Variants in PARD3B observed in about 807,000 individuals in gnomAD.
PARD3B encodes the protein partitioning defective 3 homolog B.
A neutral mutation model predicts 130.2 loss-of-function variants in PARD3B; 103 were observed. That is an observed-to-expected ratio of 0.79 (90% CI 0.67 to 0.93). The LOEUF is 0.93. PARD3B is among the 40% of genes least tolerant of loss of function. The pLI is 0.00. For missense variants in PARD3B, 1,609 were observed against 1,499.2 expected, an observed-to-expected ratio of 1.07 and a Z score of -1.21; for synonymous variants, 583 against 553.2, an observed-to-expected ratio of 1.05 and a Z score of -0.76.
intron 7 of PARD3B, among the ~76,000 whole-genome samples, chr2:205,120,413 A>G (rs994007548): frequency 1.3e-5 from 2 of 152,166 alleles, no homozygotes; most frequent in Non-Finnish European, 2.9e-5. Context: ...TCCCCTAACA[A>G]TTTGCAGAAT....
chr2:204,736,435 C>T (rs2039756824), intron 2 of PARD3B, among the ~76,000 whole-genome samples: 1 of 152,010 alleles, frequency 6.6e-6, no homozygotes, highest in South Asian at 2.1e-4. Flanking sequence ...CTTTCATCCT[C>T]CTCCTCCTGA....
At chr2:205,095,365 G>A (rs962866912) in intron 4 of PARD3B, among the ~76,000 whole-genome samples, 1 of 152,056 alleles carries the variant, frequency 6.6e-6, no homozygotes, top group African/African-American at 2.4e-5. Context: ...TTTGAAATGT[G>A]TTATTTGAAT....
intron 3 of PARD3B, among the ~76,000 whole-genome samples, chr2:205,027,149 A>G (rs150006251): frequency 9.8e-5 from 15 of 152,312 alleles, no homozygotes; most frequent in Admixed American, 5.2e-4. Context: ...ACTGTTCTCT[A>G]TAATGACTGC....
At chr2:205,356,442 C>G (rs1453349900) in intron 18 of PARD3B, among the ~76,000 whole-genome samples, 1 of 152,110 alleles carries the variant, frequency 6.6e-6, no homozygotes, top group Non-Finnish European at 1.5e-5. Flanking sequence ...ATCTCAAACT[C>G]TTGAGCTCAG....
At chr2:204,619,928 AG>A (rs1197295942) in intron 1 of PARD3B, among the ~76,000 whole-genome samples, 1 of 152,166 alleles carries the variant, frequency 6.6e-6, no homozygotes, top group Non-Finnish European at 1.5e-5. Flanking sequence ...GTAGGCACTC[AG>A]GCTGACAAAG....
intron 13 of PARD3B, among the ~76,000 whole-genome samples, chr2:205,184,470 C>A (rs553001115): frequency 1.4e-4 from 21 of 152,196 alleles, no homozygotes; most frequent in African/African-American, 4.6e-4. Flanking sequence ...TGGCCCGGCG[C>A]GGTGGCTCAC....
rs528495628 is a variant in PARD3B, at chr2:205,366,782, T to G, written c.2631-34231T>G. Among the ~76,000 whole-genome samples the G allele has an allele frequency of 6.6e-5, 10 of 152,352 alleles. No homozygotes were observed. The highest frequency in any genetic ancestry group is 2.4e-4 in the African/African-American group (10 of 41,584). ...ACCTTTGAAGTTGTATCTCTGCACCTGGGGGCATTTTAGGTGGCCTCCAGG... is the reference window on the plus strand; with the variant it reads ...ACCTTTGAAGTTGTATCTCTGCACCGGGGGGCATTTTAGGTGGCCTCCAGG... On this transcript the variant is annotated intron_variant, in intron 18 of 22. Coordinates refer to ENST00000406610, the MANE Select transcript of PARD3B (RefSeq NM_001302769.2). This position sits in a 1 kb window ranked among gnomAD's most constrained non-coding sequence, Gnocchi z 5.0.
rs1405916935 is a variant in PARD3B at position 205,617,784 on chromosome 2, A to G, written c.*1971A>G. On this transcript the variant is annotated 3_prime_UTR_variant, in exon 23 of 23. Transcript: ENST00000406610. ...GAATGCTACCTTCCCCTCGAGTTGA[A>G]TACACCTTAAGGAAAATGATAACAC... The G allele has an allele frequency of 6.6e-6, 1 of 152,162 alleles. No individual in the cohort carries two copies. Among genetic ancestry groups the G allele is most frequent in the Admixed American group, 6.5e-5 (1 of 15,276 alleles). The allele number at this position is 152,162 out of a possible 1,614,324, so 9.4% of individuals were successfully genotyped here.
At chr2:205,009,919 G>A (rs1379872293) in intron 3 of PARD3B, among the ~76,000 whole-genome samples, 4 of 152,088 alleles carry the variant, frequency 2.6e-5, no homozygotes, top group Non-Finnish European at 4.4e-5. Flanking sequence ...ATTTAGCCAG[G>A]CATTGTGCTA....
At chr2:205,533,485 CT>C (rs1311925895) in intron 21 of PARD3B, among the ~76,000 whole-genome samples, 1 of 152,126 alleles carries the variant, frequency 6.6e-6, no homozygotes, top group East Asian at 1.9e-4. Flanking sequence ...TTTCTTACCC[CT>C]ATACCTTTAT....
chr2:204,967,078 C>T lies in PARD3B; in HGVS notation c.394+1755C>T, dbSNP rs999661306. ...CTCTGACATGCAATTCCTAAAACAA[C>T]CAACTAATATAACTGTCTTGGGGTT... On this transcript the variant is annotated intron_variant, in intron 3 of 22. Coordinates refer to ENST00000406610, the MANE Select transcript of PARD3B (RefSeq NM_001302769.2). The surrounding 1 kb of genome is among the most constrained non-coding windows in gnomAD (Gnocchi z 4.4). Among the ~76,000 whole-genome samples, 2 of 152,164 alleles carry T rather than the reference C, an allele frequency of 1.3e-5. No individual in the cohort carries two copies. Among genetic ancestry groups the T allele is most frequent in the African/African-American group, 4.8e-5 (2 of 41,428 alleles).
chr2:204,757,975 G>C (rs1208934928), intron 2 of PARD3B, among the ~76,000 whole-genome samples: 1 of 152,142 alleles, frequency 6.6e-6, no homozygotes, highest in Non-Finnish European at 1.5e-5. Context: ...TATCTGTGAG[G>C]TAACAAACCA....
intron 3 of PARD3B, among the ~76,000 whole-genome samples, chr2:204,975,129 CAG>C (rs1692033119): frequency 6.6e-6 from 1 of 152,166 alleles, no homozygotes; most frequent in Non-Finnish European, 1.5e-5. Flanking sequence ...CAGATGCTCA[CAG>C]ACTCTTCATG....
chr2:205,047,501 T>G, intron 3 of PARD3B, 80 bp from the exon 4 acceptor site: 1 of 784,572 alleles, frequency 1.3e-6, no homozygotes, highest in South Asian at 1.9e-5. Flanking sequence ...TGTAAACCTT[T>G]TAAATTAAAG....
Position 204,890,122 on chromosome 2 carries a change from C to T in PARD3B, c.223-75030C>T, listed in dbSNP as rs1575224956. 1.3e-5 allele frequency among the ~76,000 whole-genome samples: 2 copies of T among 152,168 alleles called. No homozygotes were observed. The highest frequency in any genetic ancestry group is 2.1e-4 in the South Asian group (1 of 4,830). On this transcript the variant is annotated intron_variant, in intron 2 of 22. Coordinates refer to ENST00000406610, the MANE Select transcript of PARD3B (RefSeq NM_001302769.2). This position sits in a 1 kb window ranked among gnomAD's most constrained non-coding sequence, Gnocchi z 4.9. ...TTTACCATGTCTGCTTTGCCTTCTC[C>T]GCCTTCTCCGCATGCCAGCAGGAGC...
chr2:204,738,556 T>A (rs912651503), intron 2 of PARD3B, among the ~76,000 whole-genome samples: 1 of 152,134 alleles, frequency 6.6e-6, no homozygotes, highest in African/African-American at 2.4e-5. Context: ...AGGCCAGAAA[T>A]CTGGACAGAC....
chr2:205,357,461 TG>T (rs1434676499), intron 18 of PARD3B, among the ~76,000 whole-genome samples: 1 of 152,162 alleles, frequency 6.6e-6, no homozygotes, highest in Non-Finnish European at 1.5e-5. Context: ...ACAGTCGACA[TG>T]GGTGCAGAAG....
chr2:205,440,721 A>G lies in PARD3B; in HGVS notation c.3044+49A>G. 6.5e-7 allele frequency: 1 copy of G among 1,536,030 alleles called. No homozygotes were observed. The highest frequency in any genetic ancestry group is 1.7e-5 in the Admixed American group (1 of 58,214). On this transcript the variant is annotated intron_variant, in intron 20 of 22. Transcript: ENST00000406610. The surrounding 1 kb of genome is among the most constrained non-coding windows in gnomAD (Gnocchi z 4.2). Reference sequence around the variant, plus strand: ...ATGTAGCTTTAATTCAGTATGTTTCAAATCATCTCTACTGCTGAAACCGAT... The same window carrying G: ...ATGTAGCTTTAATTCAGTATGTTTCGAATCATCTCTACTGCTGAAACCGAT...
chr2:205,519,687 T>C (rs78382504), intron 21 of PARD3B, among the ~76,000 whole-genome samples: 5,003 of 152,292 alleles, frequency 0.033, 172 homozygotes, highest in South Asian at 0.13. Context: ...CTTTTGTTGC[T>C]TCTTTCTTAT....
Sources: allele counts gnomAD v4.1 joint callset (sites outside exome capture counted in the v4.1 genomes callset), GRCh38; gene constraint gnomAD v4.1.1; non-coding constraint Gnocchi (gnomAD v3.1); transcripts MANE v1.5; gene names NCBI Gene and HGNC (gene_info 2026-07-23, HGNC 2026-07-21).